Variants in MAF observed in about 807,000 individuals in gnomAD.
The protein encoded by MAF is transcription factor Maf.
A neutral mutation model predicts 22.0 loss-of-function variants in MAF; 10 were observed. The observed-to-expected ratio is 0.45, with a 90% CI of 0.28 to 0.77. The LOEUF is 0.77. MAF is among the 30% of genes least tolerant of loss of function. The probability of loss-of-function intolerance (pLI) is 0.12; values close to 1 mark genes in which losing one functional copy is unlikely to be tolerated. For synonymous variants in MAF, 337 were observed against 255.8 expected (o/e 1.32, Z -3.03); for missense variants, 544 against 548.4 (o/e 0.99, Z 0.08).
At chr16:79,570,786 C>T in the MAF span, among the ~76,000 whole-genome samples, 1 of 152,200 alleles carries the variant, frequency 6.6e-6, no homozygotes, top group Non-Finnish European at 1.5e-5. Context: ...TCCTTCTGAG[C>T]CCATGCCTAT....
chr16:79,449,984 A>G, the MAF span, among the ~76,000 whole-genome samples: 2 of 152,210 alleles, frequency 1.3e-5, no homozygotes, highest in Non-Finnish European at 2.9e-5. Context: ...ATAGTTTGGA[A>G]TTGACAGACG....
At chr16:79,283,694 C>G in the MAF span, among the ~76,000 whole-genome samples, 1 of 152,170 alleles carries the variant, frequency 6.6e-6, no homozygotes, top group Non-Finnish European at 1.5e-5. Context: ...GCAATCATTA[C>G]AGACTCTGGG....
the MAF span, among the ~76,000 whole-genome samples, chr16:79,467,996 A>T: frequency 2.0e-5 from 3 of 152,274 alleles, no homozygotes; most frequent in Admixed American, 2.0e-4. Flanking sequence ...AAACATTAAC[A>T]TTATTGATTG....
the MAF span, among the ~76,000 whole-genome samples, chr16:79,434,595 A>G: frequency 6.6e-6 from 1 of 151,942 alleles, no homozygotes; most frequent in African/African-American, 2.4e-5. Flanking sequence ...TTATGTTGTT[A>G]AAAGTATACA....
chr16:79,502,321 G>A, the MAF span, among the ~76,000 whole-genome samples: 1 of 152,144 alleles, frequency 6.6e-6, no homozygotes, highest in Non-Finnish European at 1.5e-5. Flanking sequence ...AACTTTTAAA[G>A]CTTCTGTTTT....
chr16:79,335,668 G>T, the MAF span, among the ~76,000 whole-genome samples: 1 of 152,152 alleles, frequency 6.6e-6, no homozygotes, highest in Non-Finnish European at 1.5e-5. Flanking sequence ...CAGGGAAGAA[G>T]GATCATTAAT....
chr16:79,373,262 G>A, the MAF span, among the ~76,000 whole-genome samples: 1 of 150,418 alleles, frequency 6.6e-6, no homozygotes, highest in Admixed American at 6.7e-5. Flanking sequence ...TGACAGGTGG[G>A]ACCTTTAAGT....
At chr16:79,393,047 G>C in the MAF span, among the ~76,000 whole-genome samples, 1 of 152,150 alleles carries the variant, frequency 6.6e-6, no homozygotes, top group South Asian at 2.1e-4. Flanking sequence ...CAGGACCACT[G>C]TCTGGGCCCC....
the MAF span, among the ~76,000 whole-genome samples, chr16:79,238,035 C>T: frequency 6.6e-5 from 10 of 152,072 alleles, no homozygotes; most frequent in Non-Finnish European, 1.5e-4. Context: ...CTGGATTTTG[C>T]TCCCATTCAA....
chr16:79,433,240 G>A, the MAF span, among the ~76,000 whole-genome samples: 1 of 144,468 alleles, frequency 6.9e-6, no homozygotes, highest in Admixed American at 7.3e-5. Flanking sequence ...TAGCTTAAGG[G>A]AAATACATAA....
At chr16:79,439,636 A>T in the MAF span, among the ~76,000 whole-genome samples, 1 of 152,210 alleles carries the variant, frequency 6.6e-6, no homozygotes, top group South Asian at 2.1e-4. Flanking sequence ...TATTGCTGCA[A>T]AAACAGTCTG....
At chr16:79,251,532 GTCTCGA>G in the MAF span, among the ~76,000 whole-genome samples, 5 of 152,056 alleles carry the variant, frequency 3.3e-5, no homozygotes, top group African/African-American at 1.2e-4. Flanking sequence ...GGTCAGGTTG[GTCTCGA>G]ACTCCTGACC....
chr16:79,581,839 T>C (rs1342306575), downstream of MAF, among the ~76,000 whole-genome samples: 2 of 152,214 alleles, frequency 1.3e-5, no homozygotes, highest in African/African-American at 4.8e-5. Flanking sequence ...TCCGCAGGCT[T>C]ACACCTGAGG....
chr16:79,525,999 A>G, the MAF span, among the ~76,000 whole-genome samples: 14 of 152,334 alleles, frequency 9.2e-5, no homozygotes, highest in East Asian at 2.7e-3. Flanking sequence ...TGTATGACAG[A>G]CAGTAAGTGG....
At chr16:79,426,283 G>A in the MAF span, among the ~76,000 whole-genome samples, 6 of 152,074 alleles carry the variant, frequency 3.9e-5, no homozygotes, top group Non-Finnish European at 8.8e-5. Context: ...TAGGAAAACA[G>A]AACCTAAAAT....
the MAF span, among the ~76,000 whole-genome samples, chr16:79,289,867 T>TTTTTTTTTTTTTTTTTTTC: frequency 1.7e-5 from 2 of 118,510 alleles, 1 homozygote; most frequent in Non-Finnish European, 3.4e-5. Flanking sequence ...TTTTTTTTTT[T>TTTTTTTTTTTTTTTTTTTC]TGTGAGACGG....
At chr16:79,510,719 C>G in the MAF span, among the ~76,000 whole-genome samples, 18 of 152,224 alleles carry the variant, frequency 1.2e-4, no homozygotes, top group African/African-American at 4.3e-4. Context: ...ATCGAATGCT[C>G]TGCTGTAGCT....
chr16:79,427,133 G>A, the MAF span, among the ~76,000 whole-genome samples: 1 of 152,210 alleles, frequency 6.6e-6, no homozygotes, highest in Non-Finnish European at 1.5e-5. Context: ...GAAACTCTTA[G>A]GAAATTATCC....
chr16:79,538,158 C>G, the MAF span, among the ~76,000 whole-genome samples: 1 of 152,222 alleles, frequency 6.6e-6, no homozygotes, highest in East Asian at 1.9e-4. Flanking sequence ...ATCACTATAG[C>G]AGATATTAAA....
Sources: allele counts gnomAD v4.1 joint callset (sites outside exome capture counted in the v4.1 genomes callset), GRCh38; gene constraint gnomAD v4.1.1; transcripts MANE v1.5; gene names NCBI Gene and HGNC (gene_info 2026-07-23, HGNC 2026-07-21).